The following VTI1B variants were observed in gnomAD, a reference collection of about 807,000 sequenced individuals.
VTI1B encodes the protein vesicle transport through interaction with t-SNAREs homolog 1B.
Under a neutral mutation model 28.6 loss-of-function variants are expected in VTI1B, and 18 were observed. That is an observed-to-expected ratio of 0.63 (90% CI 0.43 to 0.93). The LOEUF is 0.93. VTI1B is among the 40% of genes least tolerant of loss of function. The probability of loss-of-function intolerance (pLI) is 0.00; values close to 1 mark genes in which losing one functional copy is unlikely to be tolerated. For missense variants in VTI1B, 283 were observed against 297.0 expected (o/e 0.95, Z 0.35); for synonymous variants, 100 against 107.9 (o/e 0.93, Z 0.46).
intron 5 of VTI1B, among the ~76,000 whole-genome samples, chr14:67,653,098 T>C (rs1402049652): frequency 6.6e-6 from 1 of 152,062 alleles, no homozygotes. Context: ...TGAGATTATA[T>C]AAATATATTT....
Position 67,650,794 on chromosome 14 carries a change from C to G in VTI1B, c.*591G>C, listed in dbSNP as rs372329104. 2 of 1,614,136 alleles carry G rather than the reference C, an allele frequency of 1.2e-6. No individual in the cohort carries two copies. Among genetic ancestry groups the G allele is most frequent in the South Asian group, 2.2e-5 (2 of 91,086 alleles). On this transcript the variant is annotated 3_prime_UTR_variant, in exon 6 of 6. Transcript: ENST00000554659. Reference sequence around the variant, plus strand: ...AGGAAGAGGCGAAGACTACAGCTAACCTGGCAGTAGATGTGATTGCTTCAA... The same window carrying G: ...AGGAAGAGGCGAAGACTACAGCTAAGCTGGCAGTAGATGTGATTGCTTCAA...
At chr14:67,655,579 T>C (rs188911117) in intron 4 of VTI1B, among the ~76,000 whole-genome samples, 62 of 152,244 alleles carry the variant, frequency 4.1e-4, no homozygotes, top group Admixed American at 2.7e-3. Context: ...TAGTCCAGGA[T>C]TGAAGCATAA....
chr14:67,672,051 T>C (rs919528960), intron 1 of VTI1B, among the ~76,000 whole-genome samples: 9 of 152,242 alleles, frequency 5.9e-5, no homozygotes, highest in Non-Finnish European at 1.2e-4. Context: ...CAATGTTCTT[T>C]TGCATTATTT....
intron 1 of VTI1B, chr14:67,663,048 T>A: frequency 1.4e-6 from 2 of 1,441,876 alleles, no homozygotes; most frequent in South Asian, 3.1e-5. Context: ...TGAGAGGCTG[T>A]CTGGTGTGGT....
At chr14:67,661,814 G>T (rs186674796) in intron 2 of VTI1B, among the ~76,000 whole-genome samples, 1 of 152,054 alleles carries the variant, frequency 6.6e-6, no homozygotes, top group Non-Finnish European at 1.5e-5. Flanking sequence ...GATTGCAAGC[G>T]TGAGCCACCG....
intron 1 of VTI1B, among the ~76,000 whole-genome samples, chr14:67,667,260 A>G (rs944208904): frequency 6.6e-6 from 1 of 152,220 alleles, no homozygotes; most frequent in South Asian, 2.1e-4. Flanking sequence ...AAGAATGCCT[A>G]ATCTTGGCCC....
Position 67,651,221 on chromosome 14 carries a change from T to TTTAAGTGGTTTTTCATCTTTC in VTI1B, c.*143_*163dup. The TTTAAGTGGTTTTTCATCTTTC allele has an allele frequency of 4.4e-6, 6 of 1,368,536 alleles. No individual in the cohort carries two copies. Among genetic ancestry groups the TTTAAGTGGTTTTTCATCTTTC allele is most frequent in the Non-Finnish European group, 5.9e-6 (6 of 1,023,630 alleles). 84.8% of individuals were successfully genotyped at this position (1,368,536 alleles called of 1,614,324 possible). A position where few individuals can be genotyped will look rare whatever the true frequency, so the allele number is the denominator to read the frequency against. On this transcript the variant is annotated 3_prime_UTR_variant, in exon 6 of 6. Transcript: ENST00000554659. ...GTCTTGTTGCTGTTGTTCCTTCACA[T>TTTAAGTGGTTTTTCATCTTTC]TTAAGTGGTTTTTCATCTTTCCTCC...
At chr14:67,657,145 G>C (rs143925632) in intron 3 of VTI1B, 1 of 152,240 alleles carries the variant, frequency 6.6e-6, no homozygotes, top group African/African-American at 2.4e-5. Flanking sequence ...TCCCATCCAA[G>C]TACTAACCTG....
At chr14:67,672,261 G>A (rs1257106846) in intron 1 of VTI1B, among the ~76,000 whole-genome samples, 2 of 151,514 alleles carry the variant, frequency 1.3e-5, no homozygotes, top group Non-Finnish European at 2.9e-5. Flanking sequence ...TGGGACTACA[G>A]GCATGCACCA....
chr14:67,669,902 A>C (rs753472582), intron 1 of VTI1B, among the ~76,000 whole-genome samples: 24 of 152,186 alleles, frequency 1.6e-4, no homozygotes, highest in Non-Finnish European at 2.1e-4. Context: ...GAATTCGAGA[A>C]CAGCCTGGAT....
At chr14:67,672,521 C>A (rs1207541197) in intron 1 of VTI1B, among the ~76,000 whole-genome samples, 2 of 148,930 alleles carry the variant, frequency 1.3e-5, no homozygotes, top group African/African-American at 5.0e-5. Flanking sequence ...TCTCGGCTCA[C>A]TGCAACCTCC....
chr14:67,651,587 T>C (rs575858452), intron 5 of VTI1B, 106 bp from the exon 6 acceptor site: 8 of 1,290,784 alleles, frequency 6.2e-6, no homozygotes, highest in Non-Finnish European at 8.4e-6. Context: ...TGAGGCTGTA[T>C]GTTTGATCAC....
chr14:67,659,380 A>C (rs1209394159), intron 3 of VTI1B, among the ~76,000 whole-genome samples: 1 of 152,222 alleles, frequency 6.6e-6, no homozygotes, highest in African/African-American at 2.4e-5. Flanking sequence ...AGAGAATAAA[A>C]AAGATCAAGG....
rs1182963680 is a variant in VTI1B, at chr14:67,649,509, CAT to C, written c.*1874_*1875del. On this transcript the variant is annotated 3_prime_UTR_variant, in exon 6 of 6. Coordinates refer to ENST00000554659, the MANE Select transcript of VTI1B (RefSeq NM_006370.3). ...GTGGCAATAGTCTGGAAACATAAGTCATGTATATATTTCTAATAGTGCAAACT... is the reference window on the plus strand; with the variant it reads ...GTGGCAATAGTCTGGAAACATAAGTCGTATATATTTCTAATAGTGCAAACT... The C allele has an allele frequency of 6.6e-6, 1 of 152,074 alleles. No individual in the cohort carries two copies. The highest frequency in any genetic ancestry group is 1.9e-4 in the East Asian group (1 of 5,178). 9.4% of individuals were successfully genotyped at this position (152,074 alleles called of 1,614,324 possible). A position where few individuals can be genotyped will look rare whatever the true frequency, so the allele number is the denominator to read the frequency against.
chr14:67,650,422 C>G lies in VTI1B; in HGVS notation c.*963G>C. On this transcript the variant is annotated 3_prime_UTR_variant, in exon 6 of 6. Transcript: ENST00000554659. ...AAAACCTCCCCCACCCAACACCAAG[C>G]CTTTTCCTTTTCCAGAACGCCTGAC... 2.6e-6 allele frequency: 1 copy of G among 387,674 alleles called. No individual in the cohort carries two copies. The highest frequency in any genetic ancestry group is 3.1e-5 in the South Asian group (1 of 31,834). The allele number at this position is 387,674 out of a possible 1,614,324, so 24.0% of individuals were successfully genotyped here. A position where few individuals can be genotyped will look rare whatever the true frequency, so the allele number is the denominator to read the frequency against.
chr14:67,651,454 G>A lies in VTI1B; in HGVS notation c.630C>T (p.Ser210=). ...RKVTTNKLLL[S]IIILLELAIL... ...TGGCGAGCTCCAGTAAGATGATAAT[G>A]GAAAGCAGCAGCTTGTTGGTTGTCA... The change falls in exon 6 of 6, where the codon TCC becomes TCT. Residue 210 remains serine, a synonymous_variant. Coordinates refer to ENST00000554659, the MANE Select transcript of VTI1B (RefSeq NM_006370.3). 2 of 1,613,924 alleles carry A rather than the reference G, an allele frequency of 1.2e-6. No homozygotes were observed. Among genetic ancestry groups the A allele is most frequent in the Non-Finnish European group, 1.7e-6 (2 of 1,179,808 alleles).
chr14:67,651,119 G>C lies in VTI1B; in HGVS notation c.*266C>G. ...TGTATTTGGTTTTTTGCAGTTCACA[G>C]GGTATTAATATGCTACAGTACTATG... On this transcript the variant is annotated 3_prime_UTR_variant, in exon 6 of 6. Coordinates refer to ENST00000554659, the MANE Select transcript of VTI1B (RefSeq NM_006370.3). The C allele has an allele frequency of 1.1e-6, 1 of 908,668 alleles. No individual in the cohort carries two copies. The highest frequency in any genetic ancestry group is 1.6e-6 in the Non-Finnish European group (1 of 612,476). The allele number at this position is 908,668 out of a possible 1,614,324, so 56.3% of individuals were successfully genotyped here.
Position 67,648,205 on chromosome 14 carries a change from A to C in VTI1B, c.*3180T>G. On this transcript the variant is annotated 3_prime_UTR_variant, in exon 6 of 6. Transcript: ENST00000554659. ...ACAGGTATGTAGCAACCAGGTCTGC[A>C]GCCTGTTAACTACATAGGTAAATAT... The C allele has an allele frequency of 6.2e-7, 1 of 1,607,658 alleles. No individual in the cohort carries two copies. Among genetic ancestry groups the C allele is most frequent in the Non-Finnish European group, 8.5e-7 (1 of 1,175,908 alleles).
At chr14:67,660,595 T>C (rs1378030815) in intron 2 of VTI1B, among the ~76,000 whole-genome samples, 1 of 152,206 alleles carries the variant, frequency 6.6e-6, no homozygotes, top group East Asian at 1.9e-4. Context: ...CCTGCTCCTC[T>C]TTCTGAAAAT....
Sources: gnomAD v4.1 joint callset for allele counts (sites outside exome capture counted in the v4.1 genomes callset) on GRCh38, gnomAD v4.1.1 for gene constraint, MANE v1.5 for transcripts, NCBI Gene and HGNC (gene_info 2026-07-23, HGNC 2026-07-21) for gene names.